Variants in IL33 observed in about 807,000 individuals in gnomAD.
The protein encoded by IL33 is interleukin 33.
Under a neutral mutation model 27.3 loss-of-function variants are expected in IL33, and 37 were observed. The observed-to-expected ratio is 1.36, with a 90% CI of 1.04 to 1.78. The LOEUF (loss-of-function observed/expected upper bound fraction) is 1.78. Ranked by LOEUF, IL33 falls within the 40% of genes most tolerant of loss-of-function variation. The probability of loss-of-function intolerance (pLI) is 0.00; values close to 1 mark genes in which losing one functional copy is unlikely to be tolerated. For missense variants in IL33, 406 were observed against 311.4 expected (o/e 1.30, Z -2.29); for synonymous variants, 132 against 102.9 (o/e 1.28, Z -1.71).
Position 6,256,000 on chromosome 9 carries a change from G to C in IL33, c.645G>C (p.Gln215His). Residue 215 changes from glutamine to histidine, a missense_variant, in exon 8 of 8, where the codon CAG (glutamine) becomes CAC (histidine). Transcript: ENST00000682010. ...LHKCEKPLPD[Q>H]AFFVLHNMHS... The stretch of plus-strand genomic sequence containing the variant: ...AGTGTGAAAAACCACTGCCAGACCA[G>C]GCCTTCTTTGTCCTTCATAATATGC... 1 of 1,613,670 alleles carries C rather than the reference G, an allele frequency of 6.2e-7. No homozygotes were observed. Among genetic ancestry groups the C allele is most frequent in the African/African-American group, 1.3e-5 (1 of 75,018 alleles).
chr9:6,227,236 A>C (rs1818679163), intron 1 of IL33, among the ~76,000 whole-genome samples: 1 of 151,974 alleles, frequency 6.6e-6, no homozygotes, highest in African/African-American at 2.4e-5. Context: ...TTACTGTTAG[A>C]CTCTCCATCT....
chr9:6,228,999 C>T (rs1439207710), intron 1 of IL33, among the ~76,000 whole-genome samples: 1 of 152,056 alleles, frequency 6.6e-6, no homozygotes, highest in African/African-American at 2.4e-5. Context: ...AAGAGGAGAT[C>T]ACAAGGCTGA....
intron 1 of IL33, among the ~76,000 whole-genome samples, chr9:6,237,052 T>C (rs1264505796): frequency 2.6e-5 from 4 of 152,170 alleles, no homozygotes; most frequent in African/African-American, 9.7e-5. Flanking sequence ...TGTGTGTCTA[T>C]ATAAGTAGAA....
chr9:6,244,470 G>A (rs145946145), intron 2 of IL33, among the ~76,000 whole-genome samples: 524 of 152,214 alleles, frequency 3.4e-3, no homozygotes, highest in African/African-American at 0.012. Flanking sequence ...TAATTTATAA[G>A]TTAGGCACAA....
chr9:6,218,004 G>GCT (rs1488224408), intron 1 of IL33, among the ~76,000 whole-genome samples: 3 of 152,078 alleles, frequency 2.0e-5, no homozygotes, highest in Non-Finnish European at 4.4e-5. Context: ...AATACTTAAT[G>GCT]CTCCTCTTTT....
In IL33 at chr9:6,250,490, C is replaced by G; in HGVS notation, c.108C>G (p.Ala36=). The change falls in exon 3 of 8, where the codon GCC becomes GCG. Residue 36 remains alanine (A), a synonymous_variant. Transcript: ENST00000682010. The part of the protein sequence containing the change: ...CFKLGKSQQK[A]KEVCPMYFMK... ...ATTGTTTAGAATCCCAACAGAAGGC[C>G]AAAGAAGTTTGCCCCATGTACTTTA... 6.2e-7 allele frequency: 1 copy of G among 1,613,388 alleles called. No individual in the cohort carries two copies. Among genetic ancestry groups the G allele is most frequent in the Admixed American group, 1.7e-5 (1 of 59,870 alleles).
At chr9:6,216,237 CA>C (rs1419879102) in intron 1 of IL33, among the ~76,000 whole-genome samples, 1 of 152,128 alleles carries the variant, frequency 6.6e-6, no homozygotes, top group African/African-American at 2.4e-5. Flanking sequence ...CTCAAGCAAT[CA>C]TCCCATCTCA....
At chr9:6,253,266 T>G (rs1489269838) in intron 5 of IL33, among the ~76,000 whole-genome samples, 1 of 152,184 alleles carries the variant, frequency 6.6e-6, no homozygotes, top group African/African-American at 2.4e-5. Context: ...GTATTTGCTA[T>G]CTCTAAATTA....
chr9:6,234,931 G>C (rs1819110776), intron 1 of IL33, among the ~76,000 whole-genome samples: 1 of 152,126 alleles, frequency 6.6e-6, no homozygotes, highest in South Asian at 2.1e-4. Flanking sequence ...CTGCATACTG[G>C]TCCCAACATA....
intron 2 of IL33, among the ~76,000 whole-genome samples, chr9:6,250,029 T>C (rs1816252550): frequency 6.6e-6 from 1 of 152,172 alleles, no homozygotes; most frequent in Non-Finnish European, 1.5e-5. Context: ...TTGATATATG[T>C]TGGATACAGG....
At chr9:6,254,784 C>T (rs1374557156) in intron 7 of IL33, among the ~76,000 whole-genome samples, 1 of 152,090 alleles carries the variant, frequency 6.6e-6, no homozygotes. Flanking sequence ...CTGCCAGCAG[C>T]AGAGCATCAC....
chr9:6,248,568 T>C (rs1438041790), intron 2 of IL33, among the ~76,000 whole-genome samples: 1 of 151,832 alleles, frequency 6.6e-6, no homozygotes, highest in Non-Finnish European at 1.5e-5. Flanking sequence ...AAGAAATAAA[T>C]TTCTATCTTT....
intron 1 of IL33, among the ~76,000 whole-genome samples, chr9:6,216,538 C>T (rs1292482449): frequency 6.6e-6 from 1 of 152,096 alleles, no homozygotes; most frequent in African/African-American, 2.4e-5. Flanking sequence ...AGTTTGCAGC[C>T]AGCCTGGCCA....
intron 2 of IL33, among the ~76,000 whole-genome samples, chr9:6,248,911 C>G (rs866074274): frequency 6.6e-6 from 1 of 152,206 alleles, no homozygotes; most frequent in East Asian, 1.9e-4. Context: ...ATTACCAAGT[C>G]TATGGTATTC....
chr9:6,225,825 C>T (rs10815379), intron 1 of IL33, among the ~76,000 whole-genome samples: 150 of 151,856 alleles, frequency 9.9e-4, no homozygotes, highest in African/African-American at 3.4e-3. Context: ...CTAGCTCAAG[C>T]GACCCTCCTA....
intron 1 of IL33, among the ~76,000 whole-genome samples, chr9:6,219,296 C>G (rs897286187): frequency 6.6e-6 from 1 of 151,676 alleles, no homozygotes; most frequent in South Asian, 2.1e-4. Context: ...TGTCTGCAAG[C>G]AAAAGTAACT....
intron 1 of IL33, among the ~76,000 whole-genome samples, chr9:6,235,198 G>C (rs1211958858): frequency 6.6e-6 from 1 of 152,040 alleles, no homozygotes; most frequent in Non-Finnish European, 1.5e-5. Context: ...ACACCACCCA[G>C]TCCAGCTAAT....
intron 1 of IL33, among the ~76,000 whole-genome samples, chr9:6,226,062 C>T (rs1321323621): frequency 6.6e-6 from 1 of 152,174 alleles, no homozygotes; most frequent in Non-Finnish European, 1.5e-5. Context: ...GGCTAGAGTG[C>T]AGTGACATAA....
intron 1 of IL33, among the ~76,000 whole-genome samples, chr9:6,222,822 T>A (rs1052157821): frequency 1.3e-5 from 2 of 152,154 alleles, no homozygotes; most frequent in Non-Finnish European, 1.5e-5. Context: ...ATTTTTTTTT[T>A]ACTTGGTAGC....
Sources: allele counts gnomAD v4.1 joint callset (sites outside exome capture counted in the v4.1 genomes callset), GRCh38; gene constraint gnomAD v4.1.1; transcripts MANE v1.5; gene names NCBI Gene and HGNC (gene_info 2026-07-23, HGNC 2026-07-21).